Variants in RBFOX1 observed in about 807,000 individuals in gnomAD.
RBFOX1 encodes RNA binding fox-1 homolog 1.
In RBFOX1, 8 loss-of-function variants were observed where a neutral mutation model predicts 57.7. That is an observed-to-expected ratio of 0.14 (90% CI 0.08 to 0.25). The LOEUF (loss-of-function observed/expected upper bound fraction) is 0.25, where lower values mean the gene tolerates loss of function less well. RBFOX1 is among the 10% of genes least tolerant of loss of function. The pLI is 1.00. For synonymous variants in RBFOX1, 326 were observed against 222.4 expected (o/e 1.47, Z -4.15); for missense variants, 611 against 548.5 (o/e 1.11, Z -1.14).
intron 4 of RBFOX1, among the ~76,000 whole-genome samples, chr16:7,063,618 C>T (rs2055158984): frequency 6.6e-6 from 1 of 152,126 alleles, no homozygotes; most frequent in South Asian, 2.1e-4. Flanking sequence ...ATGTCTCAGC[C>T]TTATCCTAGG....
chr16:5,603,028 T>G (rs4786046), downstream of RBFOX1, among the ~76,000 whole-genome samples: 29,844 of 152,072 alleles, frequency 0.2, 3,109 homozygotes, highest in South Asian at 0.22. Context: ...TTTTTGGTCC[T>G]TGCCTGCTCC....
chr16:6,412,726 A>G (rs987246718), intron 2 of RBFOX1, among the ~76,000 whole-genome samples: 1 of 152,230 alleles, frequency 6.6e-6, no homozygotes, highest in Non-Finnish European at 1.5e-5. Context: ...GTGGCTGCTA[A>G]TGGACATGTG....
At chr16:6,229,016 G>A (rs539480189) in intron 1 of RBFOX1, among the ~76,000 whole-genome samples, 1 of 152,190 alleles carries the variant, frequency 6.6e-6, no homozygotes, top group Admixed American at 6.5e-5. Flanking sequence ...CCCCTGCTGT[G>A]CCCCACAATT....
rs572963542 is a variant in RBFOX1, at chr16:7,075,586, T to A, written c.27+23488T>A. ...TTATTTTTTCTTTTTTTTATTTATT[T>A]TTCTTTTTTTATGAGACGGAGTCTC... On this transcript the variant is annotated intron_variant, in intron 4 of 15. Coordinates refer to ENST00000550418, the MANE Select transcript of RBFOX1 (RefSeq NM_018723.4). 4.6e-3 allele frequency among the ~76,000 whole-genome samples: 697 copies of A among 150,640 alleles called. 4 individuals carry two copies. The highest frequency in any genetic ancestry group is 0.016 in the African/African-American group (653 of 40,038).
intron 3 of RBFOX1, among the ~76,000 whole-genome samples, chr16:5,767,656 C>G (rs780279521): frequency 7.2e-5 from 11 of 152,144 alleles, no homozygotes; most frequent in East Asian, 5.8e-4. Context: ...ATGTCTTCCC[C>G]TTGGTATTTA....
chr16:5,502,886 A>C (rs2043249464), intron 2 of RBFOX1, among the ~76,000 whole-genome samples: 1 of 152,194 alleles, frequency 6.6e-6, no homozygotes, highest in Non-Finnish European at 1.5e-5. Context: ...TCTGATTGAG[A>C]TCTTGAACAA....
intron 2 of RBFOX1, among the ~76,000 whole-genome samples, chr16:6,386,779 G>A (rs765202697): frequency 7.9e-5 from 12 of 152,278 alleles, no homozygotes; most frequent in Non-Finnish European, 1.8e-4. Context: ...GATTCTCTGG[G>A]GATCTACTAT....
intron 3 of RBFOX1, among the ~76,000 whole-genome samples, chr16:7,043,032 C>T (rs1429140356): frequency 2.6e-5 from 4 of 151,376 alleles, no homozygotes; most frequent in Non-Finnish European, 5.9e-5. Flanking sequence ...CCTTCGCTTC[C>T]ATCCTCCACC....
intron 1 of RBFOX1, among the ~76,000 whole-genome samples, chr16:5,415,473 C>T (rs747694747): frequency 7.2e-5 from 11 of 152,152 alleles, no homozygotes; most frequent in Admixed American, 6.5e-5. Context: ...CCATATCACA[C>T]GGTGATGGAG....
chr16:6,954,619 G>A (rs905908733), intron 3 of RBFOX1, among the ~76,000 whole-genome samples: 1 of 152,070 alleles, frequency 6.6e-6, no homozygotes, highest in Non-Finnish European at 1.5e-5. Flanking sequence ...TGGAGAAACT[G>A]AGGCAAAAAG....
At position 6,557,102 on chromosome 16, in the gene RBFOX1, CATACATAT is replaced by C. The variant is rs554930834; in HGVS notation, c.-63-97485_-63-97478del. On this transcript the variant is annotated intron_variant, in intron 2 of 15. Transcript: ENST00000550418. ...ATATATACATACATATACATATATACATACATATATACATATATACATACATATACATA... is the reference window on the plus strand; with the variant it reads ...ATATATACATACATATACATATATACATACATATATACATACATATACATA... Among the ~76,000 whole-genome samples the C allele has an allele frequency of 9.2e-3, 1,325 of 144,364 alleles. 21 individuals carry two copies. The highest frequency in any genetic ancestry group is 0.031 in the African/African-American group (1,201 of 38,634). 94.7% of individuals were successfully genotyped at this position (144,364 alleles called of 152,430 possible).
rs76533406 is a variant in RBFOX1, at chr16:6,514,527, A to G, written c.-63-140076A>G. ...TTCACAGTCTTTTATTTGTGTTTCA[A>G]TGATGTTTGTAAATGTGCTCTAGCA... On this transcript the variant is annotated intron_variant, in intron 2 of 15. Transcript: ENST00000550418. Among the ~76,000 whole-genome samples, 829 of 152,232 alleles carry G rather than the reference A, an allele frequency of 5.4e-3. 20 individuals are homozygous for G. In the East Asian group the frequency reaches 0.093, roughly 17 times the overall value.
chr16:6,201,947 G>A (rs114756069), intron 1 of RBFOX1, among the ~76,000 whole-genome samples: 177 of 152,220 alleles, frequency 1.2e-3, no homozygotes, highest in African/African-American at 3.6e-3. Flanking sequence ...AAATATTGAG[G>A]GTCCCCTAGG....
At chr16:6,452,401 A>G (rs1281962551) in intron 2 of RBFOX1, among the ~76,000 whole-genome samples, 1 of 122,330 alleles carries the variant, frequency 8.2e-6, no homozygotes, top group Non-Finnish European at 1.7e-5. Flanking sequence ...TCCTTCCATA[A>G]CTCTCTTCCT....
intron 3 of RBFOX1, among the ~76,000 whole-genome samples, chr16:5,702,175 T>C (rs990050553): frequency 2.0e-5 from 3 of 152,160 alleles, no homozygotes; most frequent in Non-Finnish European, 4.4e-5. Context: ...AGAGGTTTCA[T>C]TGACTCAGTT....
intron 3 of RBFOX1, among the ~76,000 whole-genome samples, chr16:5,759,385 C>T (rs1398049176): frequency 6.6e-6 from 1 of 152,210 alleles, no homozygotes; most frequent in Non-Finnish European, 1.5e-5. Flanking sequence ...TCCTCCACGT[C>T]TCTCACCACC....
chr16:6,614,228 G>A (rs748097183), intron 2 of RBFOX1, among the ~76,000 whole-genome samples: 1 of 152,106 alleles, frequency 6.6e-6, no homozygotes, highest in Admixed American at 6.5e-5. Flanking sequence ...CATACTGCCT[G>A]CTGCAAGTAA....
intron 2 of RBFOX1, among the ~76,000 whole-genome samples, chr16:6,418,069 C>T (rs1567228734): frequency 6.6e-6 from 1 of 152,210 alleles, no homozygotes. Flanking sequence ...AGGGTTCCCT[C>T]AGGCTCCTTA....
At chr16:7,535,137 G>A (rs532797201) in intron 5 of RBFOX1, among the ~76,000 whole-genome samples, 1 of 152,274 alleles carries the variant, frequency 6.6e-6, no homozygotes, top group East Asian at 1.9e-4. Flanking sequence ...ATGATGCTAT[G>A]AAATCTCCTT....
Sources: gnomAD v4.1 joint callset for allele counts (sites outside exome capture counted in the v4.1 genomes callset) on GRCh38, gnomAD v4.1.1 for gene constraint, MANE v1.5 for transcripts, NCBI Gene and HGNC (gene_info 2026-07-23, HGNC 2026-07-21) for gene names.